ARMC9: variants seen among roughly 807,000 people sequenced by gnomAD.
ARMC9 encodes armadillo repeat containing 9, also known as lisH domain-containing protein ARMC9.
ARMC9 carries 94 observed loss-of-function variants against 107.0 expected under a neutral mutation model. The observed-to-expected ratio is 0.88, with a 90% CI of 0.74 to 1.04. ARMC9 has a LOEUF of 1.04. ARMC9 is among the 50% of genes least tolerant of loss of function. The probability of loss-of-function intolerance (pLI) is 0.00; values close to 1 mark genes in which losing one functional copy is unlikely to be tolerated. For synonymous variants in ARMC9, 380 were observed against 396.9 expected, an observed-to-expected ratio of 0.96 and a Z score of 0.51; for missense variants, 942 against 1,030.1, an observed-to-expected ratio of 0.91 and a Z score of 1.17.
At chr2:231,369,675 C>T (rs1211817682) in intron 23 of ARMC9, among the ~76,000 whole-genome samples, 2 of 151,776 alleles carry the variant, frequency 1.3e-5, no homozygotes, top group African/African-American at 4.8e-5. Context: ...TGGCTCACTG[C>T]AACCTCCTCC....
In ARMC9 at chr2:231,375,509, G is replaced by T. The variant is rs116123318; in HGVS notation, c.*3974G>T. 7.2e-3 allele frequency among the ~76,000 whole-genome samples: 1,095 copies of T among 152,308 alleles called. 11 individuals carry two copies. Among genetic ancestry groups the T allele is most frequent in the African/African-American group, 0.025 (1,046 of 41,550 alleles). ...AATCTTTTAGGGCTGTTTTTCCATT[G>T]TGGTATACCCTCTCCATTTAGATTC... On this transcript the variant is annotated 3_prime_UTR_variant, in exon 25 of 25. Coordinates refer to ENST00000611582, the MANE Select transcript of ARMC9 (RefSeq NM_001352754.2). The surrounding 1 kb of genome is among the most constrained non-coding windows in gnomAD (Gnocchi z 4.3).
At chr2:231,250,493 A>G (rs2037197484) in intron 9 of ARMC9, among the ~76,000 whole-genome samples, 1 of 152,222 alleles carries the variant, frequency 6.6e-6, no homozygotes, top group Non-Finnish European at 1.5e-5. Flanking sequence ...CACAGTGTGG[A>G]AAATGCTGCC....
At chr2:231,239,856 A>G in intron 8 of ARMC9, 87 bp from the exon 9 acceptor site, 1 of 1,104,128 alleles carries the variant, frequency 9.1e-7, no homozygotes, top group Non-Finnish European at 1.4e-6. Context: ...AGCTGTTGAG[A>G]GACCACTCTA....
intron 17 of ARMC9, among the ~76,000 whole-genome samples, chr2:231,288,346 G>T (rs767465316): frequency 1.3e-5 from 2 of 152,088 alleles, no homozygotes; most frequent in African/African-American, 2.4e-5. Flanking sequence ...TGGGTGGGGG[G>T]CCTGTGAGTA....
At chr2:231,317,554 G>A (rs1166549835) in intron 19 of ARMC9, among the ~76,000 whole-genome samples, 2 of 151,448 alleles carry the variant, frequency 1.3e-5, no homozygotes, top group Admixed American at 1.3e-4. Context: ...CCAAATTTGA[G>A]TAGTGTATAA....
chr2:231,314,206 A>C (rs2042533681), intron 19 of ARMC9, among the ~76,000 whole-genome samples: 1 of 151,786 alleles, frequency 6.6e-6, no homozygotes, highest in South Asian at 2.1e-4. Context: ...CACCCTCCCA[A>C]GTAGCTGGGA....
At chr2:231,359,148 C>T (rs1197724806) in intron 22 of ARMC9, among the ~76,000 whole-genome samples, 1 of 145,484 alleles carries the variant, frequency 6.9e-6, no homozygotes, top group African/African-American at 2.6e-5. Flanking sequence ...TGCAGTGGTG[C>T]GATCTTGGCT....
At position 231,291,334 on chromosome 2, in the gene ARMC9, C is replaced by T; in HGVS notation, c.1627-19C>T. Reference sequence around the variant, plus strand: ...CCAGACACTGAAATGTTAACTATTACTTTCGCCAATACTTCTAGGGAATGG... The same window carrying T: ...CCAGACACTGAAATGTTAACTATTATTTTCGCCAATACTTCTAGGGAATGG... On this transcript the variant is annotated intron_variant, in intron 17 of 24. Coordinates refer to ENST00000611582, the MANE Select transcript of ARMC9 (RefSeq NM_001352754.2). 6.2e-7 allele frequency: 1 copy of T among 1,601,856 alleles called. No homozygotes were observed. The highest frequency in any genetic ancestry group is 8.6e-7 in the Non-Finnish European group (1 of 1,169,502).
intron 19 of ARMC9, among the ~76,000 whole-genome samples, chr2:231,319,633 C>T (rs1012585569): frequency 5.3e-5 from 8 of 152,172 alleles, no homozygotes; most frequent in African/African-American, 1.9e-4. Flanking sequence ...CACTGTGGCT[C>T]ATCGTTCTGG....
intron 7 of ARMC9, among the ~76,000 whole-genome samples, chr2:231,232,818 A>G (rs1268450303): frequency 6.6e-6 from 1 of 152,062 alleles, no homozygotes; most frequent in Non-Finnish European, 1.5e-5. Flanking sequence ...AATAATAATA[A>G]TTCATTATCA....
chr2:231,376,633 T>G lies in ARMC9; in HGVS notation c.*5098T>G, dbSNP rs2125605133. Among the ~76,000 whole-genome samples the G allele has an allele frequency of 6.6e-6, 1 of 152,320 alleles. No homozygotes were observed. Among genetic ancestry groups the G allele is most frequent in the East Asian group, 1.9e-4 (1 of 5,188 alleles). ...TTCATTAGCAATTTTAATTTTGCCT[T>G]GGTCCTGTGGTCCTGTGATCTCGCC... On this transcript the variant is annotated 3_prime_UTR_variant, in exon 25 of 25. Coordinates refer to ENST00000611582, the MANE Select transcript of ARMC9 (RefSeq NM_001352754.2).
chr2:231,304,224 CAATAATAATAATAATCATTATTAT>C (rs2041923279), intron 19 of ARMC9, among the ~76,000 whole-genome samples: 1 of 152,048 alleles, frequency 6.6e-6, no homozygotes, highest in Non-Finnish European at 1.5e-5. Context: ...GACTGCATCT[CAATAATAATAATAATCATTATTAT>C]TATCATATTG....
At chr2:231,324,122 AC>A (rs2043156418) in intron 19 of ARMC9, among the ~76,000 whole-genome samples, 2 of 95,360 alleles carry the variant, frequency 2.1e-5, no homozygotes, top group African/African-American at 4.3e-5. Context: ...ATTGTAAAGT[AC>A]TTTTTTTTTT....
At chr2:231,268,349 C>T (rs747034158) in intron 12 of ARMC9, among the ~76,000 whole-genome samples, 2 of 152,082 alleles carry the variant, frequency 1.3e-5, no homozygotes, top group Non-Finnish European at 2.9e-5. Flanking sequence ...TATACTTCAG[C>T]AAAAAATCAA....
chr2:231,351,831 C>CA (rs887668725), intron 21 of ARMC9, among the ~76,000 whole-genome samples: 2 of 151,314 alleles, frequency 1.3e-5, no homozygotes, highest in African/African-American at 2.4e-5. Flanking sequence ...GTAACTAAAA[C>CA]AAAAAAAAAT....
At chr2:231,323,995 G>A (rs1277389244) in intron 19 of ARMC9, among the ~76,000 whole-genome samples, 2 of 152,136 alleles carry the variant, frequency 1.3e-5, no homozygotes, top group Non-Finnish European at 2.9e-5. Context: ...TGCTCACACT[G>A]CTAAGCTGCA....
intron 19 of ARMC9, 93 bp from the exon 20 acceptor site, chr2:231,331,700 C>T: frequency 1.8e-6 from 2 of 1,136,030 alleles, no homozygotes; most frequent in Admixed American, 2.1e-5. Context: ...CCGAGGCCTT[C>T]TTGTTTCATG....
intron 9 of ARMC9, among the ~76,000 whole-genome samples, chr2:231,254,432 C>T (rs1022289230): frequency 2.6e-5 from 4 of 152,098 alleles, no homozygotes; most frequent in Admixed American, 2.0e-4. Context: ...GAAAGCTTTC[C>T]TTCAGTGCGG....
At chr2:231,336,731 C>G (rs1320471743) in intron 20 of ARMC9, among the ~76,000 whole-genome samples, 1 of 152,236 alleles carries the variant, frequency 6.6e-6, no homozygotes, top group Non-Finnish European at 1.5e-5. Flanking sequence ...CCTGGCCCCA[C>G]ATCCAGAGAA....
Sources: allele counts gnomAD v4.1 joint callset (sites outside exome capture counted in the v4.1 genomes callset), GRCh38; gene constraint gnomAD v4.1.1; non-coding constraint Gnocchi (gnomAD v3.1); transcripts MANE v1.5; gene names NCBI Gene and HGNC (gene_info 2026-07-23, HGNC 2026-07-21).